The following HSD17B11 variants were observed in gnomAD, a reference collection of about 807,000 sequenced individuals.
HSD17B11 encodes estradiol 17-beta-dehydrogenase 11.
In HSD17B11, 22 loss-of-function variants were observed where a neutral mutation model predicts 27.8. The ratio of observed to expected loss-of-function variants is 0.79; its 90% CI spans 0.56 to 1.13. The LOEUF (loss-of-function observed/expected upper bound fraction) is 1.13. Ranked by LOEUF, HSD17B11 falls within the 50% of genes most tolerant of loss-of-function variation. The pLI, the probability that HSD17B11 is intolerant of heterozygous loss-of-function variation, is 0.00. For synonymous variants in HSD17B11, 117 were observed against 132.8 expected (o/e 0.88, Z 0.82); for missense variants, 314 against 351.1 (o/e 0.89, Z 0.84).
chr4:87,360,025 T>C (rs1471005262), intron 4 of HSD17B11, among the ~76,000 whole-genome samples: 2 of 152,170 alleles, frequency 1.3e-5, no homozygotes, highest in African/African-American at 4.8e-5. Context: ...AAAATGCCAG[T>C]AGATGTAGGC....
intron 1 of HSD17B11, among the ~76,000 whole-genome samples, chr4:87,382,581 T>C (rs1241158690): frequency 6.6e-6 from 1 of 152,238 alleles, no homozygotes; most frequent in East Asian, 1.9e-4. Context: ...AAAGCAAGCT[T>C]CTTAAAAGAA....
chr4:87,378,135 C>T (rs1326844384), intron 2 of HSD17B11, among the ~76,000 whole-genome samples: 1 of 152,188 alleles, frequency 6.6e-6, no homozygotes, highest in South Asian at 2.1e-4. Context: ...GAAGGCTCTT[C>T]AGTCAGAATT....
chr4:87,343,547 C>CTTTT (rs11369073), intron 5 of HSD17B11, among the ~76,000 whole-genome samples: 2 of 125,538 alleles, frequency 1.6e-5, no homozygotes, highest in African/African-American at 3.0e-5. Flanking sequence ...CATTTCAACT[C>CTTTT]TTTTTTTTTT....
In HSD17B11 at chr4:87,382,339, G is replaced by A. The variant is rs1218430419; in HGVS notation, c.234C>T (p.Ala78=). The A allele has an allele frequency of 1.2e-6, 2 of 1,613,364 alleles. No individual in the cohort carries two copies. The highest frequency in any genetic ancestry group is 2.7e-5 in the African/African-American group (2 of 74,882). ...INKHGLEETA[A]KCKGLGAKVH... is the part of the protein sequence containing the mutation. Reference sequence around the variant, plus strand: ...CCTTGGCACCCAGTCCCTTGCATTTGGCAGCTGTTTCCTCCAGTCCATGCT... The same window carrying A: ...CCTTGGCACCCAGTCCCTTGCATTTAGCAGCTGTTTCCTCCAGTCCATGCT... Residue 78 remains alanine, a synonymous_variant, in exon 2 of 7, where the codon GCC becomes GCT. Transcript: ENST00000358290.
intron 4 of HSD17B11, among the ~76,000 whole-genome samples, chr4:87,363,126 A>G (rs1735547865): frequency 6.6e-6 from 1 of 152,168 alleles, no homozygotes; most frequent in African/African-American, 2.4e-5. Context: ...AAATGAAAAA[A>G]AAAATTTTTT....
chr4:87,359,894 T>C (rs1439222212), intron 4 of HSD17B11, among the ~76,000 whole-genome samples: 1 of 152,172 alleles, frequency 6.6e-6, no homozygotes, highest in Non-Finnish European at 1.5e-5. Flanking sequence ...GACAAACTGG[T>C]AAAGCATTTG....
chr4:87,377,311 G>A (rs1360444299), intron 2 of HSD17B11, among the ~76,000 whole-genome samples: 4 of 151,886 alleles, frequency 2.6e-5, no homozygotes, highest in African/African-American at 4.8e-5. Context: ...TTAGCTAGGC[G>A]TGGTGACGTG....
At chr4:87,358,116 C>A (rs1226837724) in intron 4 of HSD17B11, among the ~76,000 whole-genome samples, 1 of 151,924 alleles carries the variant, frequency 6.6e-6, no homozygotes, top group Non-Finnish European at 1.5e-5. Flanking sequence ...CGCCCGCCAC[C>A]ATGCTCGGCT....
At chr4:87,383,389 A>G (rs1273303283) in intron 1 of HSD17B11, among the ~76,000 whole-genome samples, 1 of 152,204 alleles carries the variant, frequency 6.6e-6, no homozygotes, top group African/African-American at 2.4e-5. Flanking sequence ...ACTGAGAGGC[A>G]GTTACAGTGA....
chr4:87,386,791 A>G (rs1162666843), intron 1 of HSD17B11: 1 of 152,152 alleles, frequency 6.6e-6, no homozygotes, highest in East Asian at 1.9e-4. Context: ...TCAGTTATTC[A>G]TTAATTCAGT....
chr4:87,366,944 G>A (rs564214923), intron 4 of HSD17B11, among the ~76,000 whole-genome samples: 1 of 152,134 alleles, frequency 6.6e-6, no homozygotes, highest in African/African-American at 2.4e-5. Context: ...TTTTAACTTT[G>A]CTTAAAATAT....
At chr4:87,384,305 TTG>T (rs1720248751) in intron 1 of HSD17B11, among the ~76,000 whole-genome samples, 1 of 152,210 alleles carries the variant, frequency 6.6e-6, no homozygotes, top group Non-Finnish European at 1.5e-5. Context: ...ACTGTGATAA[TTG>T]TGTTAACTGT....
chr4:87,376,762 T>C (rs79021492), intron 2 of HSD17B11, among the ~76,000 whole-genome samples: 2,836 of 152,170 alleles, frequency 0.019, 95 homozygotes, highest in African/African-American at 0.065. Flanking sequence ...GTGAAATGAT[T>C]TCAGTTGAGG....
chr4:87,340,711 C>T (rs1735150799), intron 5 of HSD17B11, 105 bp from the exon 6 acceptor site: 1 of 702,116 alleles, frequency 1.4e-6, no homozygotes, highest in South Asian at 1.9e-5. Context: ...CATAACATAA[C>T]TGATTTGTAG....
chr4:87,390,876 G>C lies in HSD17B11; in HGVS notation c.195C>G (p.Leu65=). 1.2e-6 allele frequency: 2 copies of C among 1,613,934 alleles called. No individual in the cohort carries two copies. The highest frequency in any genetic ancestry group is 1.7e-6 in the Non-Finnish European group (2 of 1,179,842). The change falls in exon 1 of 7, where the codon CTC becomes CTG. Residue 65 remains leucine (L), a synonymous_variant. Coordinates refer to ENST00000358290, the MANE Select transcript of HSD17B11 (RefSeq NM_016245.5). ...ACACTGTTACCTTATTTATATCCCA[G>C]AGAACCAGCTTGCTTTTAAGTTTAG... is the stretch of plus-strand genomic sequence containing the variant. ...EFAKLKSKLV[L]WDINKHGLEE...
intron 6 of HSD17B11, among the ~76,000 whole-genome samples, chr4:87,337,975 T>C (rs1390543617): frequency 3.9e-5 from 6 of 152,230 alleles, no homozygotes; most frequent in Non-Finnish European, 5.9e-5. Context: ...CCCAGCACTT[T>C]GGGAGGCAGA....
intron 5 of HSD17B11, among the ~76,000 whole-genome samples, chr4:87,355,449 G>A (rs1486047713): frequency 6.7e-6 from 1 of 150,120 alleles, no homozygotes; most frequent in South Asian, 2.1e-4. Flanking sequence ...AAGTCCATGA[G>A]AAAAAAATCC....
intron 5 of HSD17B11, among the ~76,000 whole-genome samples, chr4:87,353,078 T>C (rs1164413269): frequency 2.9e-5 from 3 of 102,994 alleles, no homozygotes; most frequent in Non-Finnish European, 5.9e-5. Flanking sequence ...AATCACCGTC[T>C]TCTGCGTCGC....
At chr4:87,387,252 C>T (rs544333426) in intron 1 of HSD17B11, 5 of 152,306 alleles carry the variant, frequency 3.3e-5, no homozygotes, top group East Asian at 1.9e-4. Flanking sequence ...ATGAATAATT[C>T]CCATTATCAG....
Sources: gnomAD v4.1 joint callset for allele counts (sites outside exome capture counted in the v4.1 genomes callset) on GRCh38, gnomAD v4.1.1 for gene constraint, MANE v1.5 for transcripts, NCBI Gene and HGNC (gene_info 2026-07-23, HGNC 2026-07-21) for gene names.